CCSER1: variants seen among roughly 807,000 people sequenced by gnomAD.
The protein encoded by CCSER1 is serine-rich coiled-coil domain-containing protein 1.
Under a neutral mutation model 82.0 loss-of-function variants are expected in CCSER1, and 41 were observed. The observed-to-expected ratio is 0.50, with a 90% CI of 0.39 to 0.65. CCSER1 has a LOEUF of 0.65. Among genes scored for constraint, CCSER1 ranks in the 30% least tolerant of loss-of-function variants. CCSER1 has a pLI of 0.00. For missense variants in CCSER1, 1,119 were observed against 1,064.2 expected, an observed-to-expected ratio of 1.05 and a Z score of -0.72; for synonymous variants, 414 against 383.9, an observed-to-expected ratio of 1.08 and a Z score of -0.92.
At chr4:91,216,521 C>T (rs919175042) in intron 10 of CCSER1, among the ~76,000 whole-genome samples, 4 of 152,070 alleles carry the variant, frequency 2.6e-5, no homozygotes, top group Admixed American at 6.5e-5. Flanking sequence ...GGGGTTTCAC[C>T]GTGTTAGCCA....
At chr4:91,231,667 T>C (rs1452041815) in intron 10 of CCSER1, among the ~76,000 whole-genome samples, 1 of 151,824 alleles carries the variant, frequency 6.6e-6, no homozygotes, top group African/African-American at 2.4e-5. Flanking sequence ...TATGAATTCA[T>C]GTAAAGTTAT....
intron 4 of CCSER1, among the ~76,000 whole-genome samples, chr4:90,429,496 A>C (rs1383906802): frequency 6.6e-6 from 1 of 151,824 alleles, no homozygotes; most frequent in Admixed American, 6.6e-5. Flanking sequence ...ATTCAGGAAA[A>C]CCTACTATTA....
chr4:90,898,132 C>T (rs1409810737), intron 8 of CCSER1, among the ~76,000 whole-genome samples: 2 of 151,430 alleles, frequency 1.3e-5, no homozygotes, highest in African/African-American at 4.8e-5. Flanking sequence ...CATTTGTCTA[C>T]TTTTCTTTTT....
In CCSER1 at chr4:91,184,962, C is replaced by T. The variant is rs986738868; in HGVS notation, c.2217+98968C>T. The stretch of plus-strand genomic sequence containing the variant: ...AATAGTACCAGGTTGTCCATCGGGC[C>T]CTTCACAATGCAAAATATAACTTCT... On this transcript the variant is annotated intron_variant, in intron 10 of 10. Transcript: ENST00000509176. 5.3e-5 allele frequency among the ~76,000 whole-genome samples: 8 copies of T among 152,262 alleles called. No homozygotes were observed. In the South Asian group the frequency reaches 1.7e-3, roughly 32 times the overall value.
At chr4:91,333,520 C>T (rs1305360994) in intron 10 of CCSER1, among the ~76,000 whole-genome samples, 5 of 151,952 alleles carry the variant, frequency 3.3e-5, no homozygotes, top group Non-Finnish European at 7.4e-5. Context: ...AACATAATGA[C>T]AGATTTTCAT....
chr4:90,347,827 A>G (rs1437818109), intron 3 of CCSER1, among the ~76,000 whole-genome samples: 1 of 152,206 alleles, frequency 6.6e-6, no homozygotes, highest in Non-Finnish European at 1.5e-5. Flanking sequence ...AGGCAAATGT[A>G]TCAAACACTT....
At chr4:90,180,588 CA>C (rs993191641) in intron 1 of CCSER1, among the ~76,000 whole-genome samples, 27 of 142,770 alleles carry the variant, frequency 1.9e-4, no homozygotes, top group South Asian at 2.2e-4. Flanking sequence ...GACTCTGTCT[CA>C]AAAAAAAAAA....
chr4:91,177,822 CTGCTCTGATGTTATTTCT>C (rs1733561776), intron 10 of CCSER1, among the ~76,000 whole-genome samples: 1 of 152,226 alleles, frequency 6.6e-6, no homozygotes, highest in Non-Finnish European at 1.5e-5. Context: ...TCCTTCAGTT[CTGCTCTGATGTTATTTCT>C]TGCCTTCTCC....
At chr4:90,528,378 A>G (rs1774054941) in intron 5 of CCSER1, among the ~76,000 whole-genome samples, 1 of 152,206 alleles carries the variant, frequency 6.6e-6, no homozygotes, top group African/African-American at 2.4e-5. Flanking sequence ...TTCTACCAGA[A>G]ACAGCCACAC....
chr4:90,397,539 T>TG (rs1278388018), intron 3 of CCSER1, among the ~76,000 whole-genome samples: 1 of 152,220 alleles, frequency 6.6e-6, no homozygotes, highest in African/African-American at 2.4e-5. Context: ...TATGACATTT[T>TG]TTAATTTTTC....
intron 10 of CCSER1, among the ~76,000 whole-genome samples, chr4:91,469,275 TATAAG>T (rs1757129919): frequency 6.6e-6 from 1 of 152,204 alleles, no homozygotes; most frequent in Non-Finnish European, 1.5e-5. Flanking sequence ...CCTGCTATGA[TATAAG>T]ATAACAATGA....
chr4:90,419,528 T>C (rs2153560012), intron 4 of CCSER1, among the ~76,000 whole-genome samples: 1 of 152,032 alleles, frequency 6.6e-6, no homozygotes, highest in Non-Finnish European at 1.5e-5. Flanking sequence ...TTCTTTTAAC[T>C]GTTTTTCTAG....
At chr4:91,179,860 C>T (rs928423489) in intron 10 of CCSER1, among the ~76,000 whole-genome samples, 4 of 152,212 alleles carry the variant, frequency 2.6e-5, no homozygotes, top group African/African-American at 9.6e-5. Context: ...CGAGGAGCTA[C>T]ATTCCTTTGG....
intron 7 of CCSER1, among the ~76,000 whole-genome samples, chr4:90,771,211 A>G (rs1752105913): frequency 6.6e-6 from 1 of 152,124 alleles, no homozygotes; most frequent in Non-Finnish European, 1.5e-5. Context: ...TTTTATCTTT[A>G]TAATGAAATA....
intron 5 of CCSER1, among the ~76,000 whole-genome samples, chr4:90,591,882 C>T (rs1188893945): frequency 1.3e-5 from 2 of 152,142 alleles, no homozygotes; most frequent in African/African-American, 4.8e-5. Flanking sequence ...ATGTCCTTTG[C>T]ATGGACATGG....
rs375155798 is a variant in CCSER1, at chr4:90,893,118, C to G, written c.2095-30252C>G. 1.4e-4 allele frequency among the ~76,000 whole-genome samples: 21 copies of G among 152,070 alleles called. No homozygotes were observed. The South Asian group carries it at 4.4e-3, about 32-fold the overall frequency. On this transcript the variant is annotated intron_variant, in intron 8 of 10. Coordinates refer to ENST00000509176, the MANE Select transcript of CCSER1 (RefSeq NM_001145065.2). ...GTTGGAGAAAGACCAAAGGCCAGACCATAGTCACTGTCAGTCTAGAGTAGT... is the reference window on the plus strand; with the variant it reads ...GTTGGAGAAAGACCAAAGGCCAGACGATAGTCACTGTCAGTCTAGAGTAGT...
At chr4:90,879,933 G>A (rs2150068559) in intron 8 of CCSER1, among the ~76,000 whole-genome samples, 1 of 152,272 alleles carries the variant, frequency 6.6e-6, no homozygotes, top group East Asian at 1.9e-4. Flanking sequence ...CCGAGGCTTT[G>A]TGCAAGGTTT....
At chr4:90,613,119 A>G (rs1037038598) in intron 5 of CCSER1, among the ~76,000 whole-genome samples, 4 of 152,186 alleles carry the variant, frequency 2.6e-5, no homozygotes, top group Admixed American at 6.5e-5. Context: ...AGGTGTGCCC[A>G]AAAGTATAAC....
At chr4:90,175,234 G>A (rs1473551642) in intron 1 of CCSER1, among the ~76,000 whole-genome samples, 1 of 151,948 alleles carries the variant, frequency 6.6e-6, no homozygotes, top group Non-Finnish European at 1.5e-5. Flanking sequence ...TAGTTATGCT[G>A]AGTGAAAGGG....
Sources: gnomAD v4.1 joint callset for allele counts (sites outside exome capture counted in the v4.1 genomes callset) on GRCh38, gnomAD v4.1.1 for gene constraint, MANE v1.5 for transcripts, NCBI Gene and HGNC (gene_info 2026-07-23, HGNC 2026-07-21) for gene names.